The following GRIA1 variants were observed in gnomAD, a reference collection of about 807,000 sequenced individuals.
GRIA1 encodes glutamate receptor 1.
GRIA1 carries 31 observed loss-of-function variants against 99.2 expected under a neutral mutation model. The observed-to-expected ratio is 0.31, with a 90% CI of 0.23 to 0.42. The LOEUF (loss-of-function observed/expected upper bound fraction) is 0.42, where lower values mean the gene tolerates loss of function less well. GRIA1 is among the 10% of genes least tolerant of loss of function. The pLI, the probability that GRIA1 is intolerant of heterozygous loss-of-function variation, is 1.00. For synonymous variants in GRIA1, 438 were observed against 432.4 expected (o/e 1.01, Z -0.16); for missense variants, 782 against 1,157.5 (o/e 0.68, Z 4.71).
chr5:153,783,943 AG>A (rs1258819146), intron 13 of GRIA1, among the ~76,000 whole-genome samples: 1 of 152,204 alleles, frequency 6.6e-6, no homozygotes, highest in Non-Finnish European at 1.5e-5. Context: ...TAAGATGACT[AG>A]GGTTCCACAA....
At chr5:153,594,631 C>T (rs1764271518) in intron 2 of GRIA1, among the ~76,000 whole-genome samples, 1 of 152,028 alleles carries the variant, frequency 6.6e-6, no homozygotes, top group African/African-American at 2.4e-5. Context: ...CCCTCTCCCT[C>T]CTCCATATTT....
intron 2 of GRIA1, among the ~76,000 whole-genome samples, chr5:153,561,271 C>T (rs567398796): frequency 2.4e-4 from 37 of 152,266 alleles, no homozygotes; most frequent in African/African-American, 8.7e-4. Flanking sequence ...ATCTGATTCT[C>T]TGATTCCGCT....
chr5:153,652,283 C>G (rs1233354165), intron 4 of GRIA1, among the ~76,000 whole-genome samples: 1 of 152,164 alleles, frequency 6.6e-6, no homozygotes, highest in East Asian at 1.9e-4. Flanking sequence ...TATTAATAGA[C>G]AGATGACCTA....
intron 2 of GRIA1, among the ~76,000 whole-genome samples, chr5:153,526,448 A>G (rs566902542): frequency 1.3e-5 from 2 of 152,322 alleles, no homozygotes; most frequent in Admixed American, 1.3e-4. Context: ...TGTTATGGTG[A>G]TAGATTGCAG....
chr5:153,642,963 A>G (rs1446524464), intron 2 of GRIA1, among the ~76,000 whole-genome samples: 1 of 152,156 alleles, frequency 6.6e-6, no homozygotes, highest in African/African-American at 2.4e-5. Flanking sequence ...CACAAAGGTA[A>G]ATCTGTTCAG....
chr5:153,599,553 A>G (rs1486021364), intron 2 of GRIA1, among the ~76,000 whole-genome samples: 1 of 152,232 alleles, frequency 6.6e-6, no homozygotes, highest in Non-Finnish European at 1.5e-5. Context: ...TATATTACTT[A>G]TAATACCTAA....
At chr5:153,614,910 G>A (rs1023878295) in intron 2 of GRIA1, among the ~76,000 whole-genome samples, 3 of 152,184 alleles carry the variant, frequency 2.0e-5, no homozygotes, top group Admixed American at 6.5e-5. Context: ...AAAAAATACA[G>A]AGTCAATTGA....
chr5:153,599,739 G>A lies in GRIA1; in HGVS notation c.221-47189G>A, dbSNP rs189439730. The stretch of plus-strand genomic sequence containing the variant: ...GAGAGTGGTGCAAGCCCGCCAGTGA[G>A]TTTGTCACCAGTTGAGAAGACTTAA... On this transcript the variant is annotated intron_variant, in intron 2 of 15. Transcript: ENST00000285900. Among the ~76,000 whole-genome samples, 26 of 152,224 alleles carry A rather than the reference G, an allele frequency of 1.7e-4. 1 individual carries two copies. The highest frequency in any genetic ancestry group is 1.7e-3 in the Admixed American group (26 of 15,288).
chr5:153,634,144 A>G (rs994820096), intron 2 of GRIA1, among the ~76,000 whole-genome samples: 9 of 151,832 alleles, frequency 5.9e-5, no homozygotes, highest in Non-Finnish European at 1.2e-4. Context: ...GTGAAACCCC[A>G]TCTCTACTAA....
At chr5:153,594,800 C>A (rs181730437) in intron 2 of GRIA1, among the ~76,000 whole-genome samples, 6 of 151,690 alleles carry the variant, frequency 4.0e-5, no homozygotes, top group Non-Finnish European at 5.9e-5. Context: ...TCAGAGTCCA[C>A]CCCCAGTCTT....
intron 8 of GRIA1, among the ~76,000 whole-genome samples, chr5:153,688,371 C>T (rs1757488329): frequency 6.6e-6 from 1 of 152,156 alleles, no homozygotes; most frequent in Non-Finnish European, 1.5e-5. Context: ...CAGAAATAGT[C>T]CAAGTCTGAG....
chr5:153,636,517 C>T (rs945677700), intron 2 of GRIA1, among the ~76,000 whole-genome samples: 3 of 152,142 alleles, frequency 2.0e-5, no homozygotes, highest in Non-Finnish European at 4.4e-5. Context: ...ATAAAAGTAG[C>T]ACTGAGTAGT....
In GRIA1 at chr5:153,516,314, A is replaced by G. The variant is rs145170349; in HGVS notation, c.220+22249A>G. 7.8e-4 allele frequency among the ~76,000 whole-genome samples: 118 copies of G among 151,908 alleles called. 1 individual carries two copies. The South Asian group carries it at 8.1e-3, about 10-fold the overall frequency. ...TTTCCCATTGGATAAATAACTGTTT[A>G]TAAACATCTAGTTGCCAGACCCATG... On this transcript the variant is annotated intron_variant, in intron 2 of 15. Transcript: ENST00000285900.
intron 2 of GRIA1, among the ~76,000 whole-genome samples, chr5:153,539,116 A>G (rs1033938213): frequency 6.6e-6 from 1 of 152,158 alleles, no homozygotes; most frequent in African/African-American, 2.4e-5. Flanking sequence ...CCCTTCTCCT[A>G]TCTTCATGTA....
intron 2 of GRIA1, among the ~76,000 whole-genome samples, chr5:153,608,205 T>G (rs1226274856): frequency 1.3e-5 from 2 of 152,192 alleles, no homozygotes; most frequent in Non-Finnish European, 2.9e-5. Context: ...TTTTCAGCAA[T>G]TTTGCAATAT....
intron 11 of GRIA1, among the ~76,000 whole-genome samples, chr5:153,723,984 G>A (rs1322667036): frequency 2.6e-5 from 4 of 152,204 alleles, no homozygotes; most frequent in Non-Finnish European, 5.9e-5. Context: ...AGCCTAACTG[G>A]GAGGCGCCCC....
At position 153,687,430 on chromosome 5, in the gene GRIA1, A is replaced by T. The variant is rs538442545; in HGVS notation, c.1134+1101A>T. 5.3e-5 allele frequency among the ~76,000 whole-genome samples: 8 copies of T among 152,278 alleles called. No homozygotes were observed. In the East Asian group the frequency reaches 1.5e-3, roughly 29 times the overall value. On this transcript the variant is annotated intron_variant, in intron 8 of 15. Transcript: ENST00000285900. ...ATAGGGTCATTGAGAGGATTAAATG[A>T]TCTAAGAGTGTGCAGAAGTTCTAAG...
chr5:153,586,655 C>A (rs1436298077), intron 2 of GRIA1, among the ~76,000 whole-genome samples: 2 of 152,052 alleles, frequency 1.3e-5, no homozygotes, highest in Non-Finnish European at 2.9e-5. Context: ...TGAGTGAGAA[C>A]CAGGAGAGTG....
intron 2 of GRIA1, among the ~76,000 whole-genome samples, chr5:153,577,463 T>C (rs1477360740): frequency 6.6e-6 from 1 of 152,208 alleles, no homozygotes; most frequent in Non-Finnish European, 1.5e-5. Context: ...TGGCTGCTTG[T>C]ATAAGATACT....
Sources: gnomAD v4.1 joint callset for allele counts (sites outside exome capture counted in the v4.1 genomes callset) on GRCh38, gnomAD v4.1.1 for gene constraint, MANE v1.5 for transcripts, NCBI Gene and HGNC (gene_info 2026-07-23, HGNC 2026-07-21) for gene names.